RBPMS2: variants seen among roughly 807,000 people sequenced by gnomAD.
The protein encoded by RBPMS2 is RNA binding protein, mRNA processing factor 2.
RBPMS2 carries 14 observed loss-of-function variants against 25.7 expected under a neutral mutation model. The observed-to-expected ratio is 0.55, with a 90% CI of 0.36 to 0.85. The LOEUF is 0.85. Ranked by LOEUF, RBPMS2 falls within the 40% of genes least tolerant of loss-of-function variation. The pLI is 0.01. For synonymous variants in RBPMS2, 127 were observed against 115.6 expected (o/e 1.10, Z -0.63); for missense variants, 252 against 283.4 (o/e 0.89, Z 0.80).
chr15:64,765,683 C>A (rs2083839897), intron 1 of RBPMS2, among the ~76,000 whole-genome samples: 1 of 152,184 alleles, frequency 6.6e-6, no homozygotes, highest in African/African-American at 2.4e-5. Flanking sequence ...CGGTGGCTCA[C>A]ACCTGTAATC....
chr15:64,742,939 A>C (rs2083576742), intron 6 of RBPMS2, among the ~76,000 whole-genome samples: 1 of 152,228 alleles, frequency 6.6e-6, no homozygotes, highest in Admixed American at 6.5e-5. Flanking sequence ...TACACTGCAG[A>C]ATTCCAGCCA....
intron 1 of RBPMS2, among the ~76,000 whole-genome samples, chr15:64,769,579 G>T (rs1416759325): frequency 6.6e-6 from 1 of 151,726 alleles, no homozygotes; most frequent in Non-Finnish European, 1.5e-5. Flanking sequence ...AGAATGGCGT[G>T]AACCCAGGAG....
chr15:64,769,533 G>A (rs1046978381), intron 1 of RBPMS2, among the ~76,000 whole-genome samples: 14 of 150,692 alleles, frequency 9.3e-5, no homozygotes, highest in Admixed American at 5.3e-4. Flanking sequence ...AGCAGCGGGC[G>A]CCTGTAGTCC....
intron 1 of RBPMS2, chr15:64,762,613 A>T: frequency 2.1e-6 from 1 of 465,730 alleles, no homozygotes; most frequent in Admixed American, 2.4e-5. Context: ...CAAAAGACAA[A>T]GAACCTCAAA....
Position 64,751,550 on chromosome 15 carries a change from T to C in RBPMS2, c.165+11A>G, listed in dbSNP as rs1595787777. ...AGGCTCTACCCAGGGGGCGGCTGGG[T>C]CCTGACTCACCTTGAACGGCCGGAA... On this transcript the variant is annotated intron_variant, in intron 2 of 7. Coordinates refer to ENST00000300069, the MANE Select transcript of RBPMS2 (RefSeq NM_194272.3). 1 of 1,613,078 alleles carries C rather than the reference T, an allele frequency of 6.2e-7. No homozygotes were observed. The highest frequency in any genetic ancestry group is 2.2e-5 in the East Asian group (1 of 44,868).
At chr15:64,754,615 A>T (rs763194861) in intron 1 of RBPMS2, among the ~76,000 whole-genome samples, 3 of 151,804 alleles carry the variant, frequency 2.0e-5, no homozygotes, top group Non-Finnish European at 2.9e-5. Flanking sequence ...CCGTCTCAAA[A>T]AAAAAACCCA....
At chr15:64,741,864 T>C (rs1215649871) in intron 6 of RBPMS2, among the ~76,000 whole-genome samples, 1 of 151,970 alleles carries the variant, frequency 6.6e-6, no homozygotes, top group Non-Finnish European at 1.5e-5. Flanking sequence ...GGAGATAATG[T>C]CTCTATTAAA....
chr15:64,746,885 G>A (rs1167509738), intron 6 of RBPMS2, among the ~76,000 whole-genome samples: 1 of 152,214 alleles, frequency 6.6e-6, no homozygotes, highest in Non-Finnish European at 1.5e-5. Flanking sequence ...GCCCAGTGAG[G>A]TGGGAGCCTG....
At position 64,768,053 on chromosome 15, in the gene RBPMS2, G is replaced by A. The variant is rs117464725; in HGVS notation, c.87+7180C>T. ...CGTATGTGGAAAAGGAAGGGATAAC[G>A]AGACACAAAAGAATGTCCCCCAGAA... On this transcript the variant is annotated intron_variant, in intron 1 of 7. Transcript: ENST00000300069. Among the ~76,000 whole-genome samples the A allele has an allele frequency of 1.2e-4, 18 of 152,318 alleles. No individual in the cohort carries two copies. The East Asian group carries it at 3.3e-3, about 28-fold the overall frequency.
chr15:64,744,798 G>GTTTTTTTTTTTT (rs748967917), intron 6 of RBPMS2, among the ~76,000 whole-genome samples: 21 of 46,302 alleles, frequency 4.5e-4, no homozygotes, highest in Admixed American at 8.2e-4. Flanking sequence ...GGTTTGTTTT[G>GTTTTTTTTTTTT]TTTTTTTTTT....
intron 6 of RBPMS2, among the ~76,000 whole-genome samples, chr15:64,742,390 C>T (rs1055621091): frequency 6.6e-6 from 1 of 152,236 alleles, no homozygotes; most frequent in African/African-American, 2.4e-5. Context: ...CTGAGATCAT[C>T]CTCACCAGTG....
chr15:64,740,291 G>T lies in RBPMS2; in HGVS notation c.*717C>A, dbSNP rs897422717. On this transcript the variant is annotated 3_prime_UTR_variant, in exon 8 of 8. Transcript: ENST00000300069. ...TTCTCACGTTTTGGTTGGTTTCGAG[G>T]TTTGGAAAGAATGAGGAGCAGCGGC... 6.6e-6 allele frequency: 1 copy of T among 152,370 alleles called. No homozygotes were observed. The highest frequency in any genetic ancestry group is 1.5e-5 in the Non-Finnish European group (1 of 68,094). 9.4% of individuals were successfully genotyped at this position (152,370 alleles called of 1,614,324 possible).
intron 6 of RBPMS2, among the ~76,000 whole-genome samples, chr15:64,744,325 G>A (rs1365311817): frequency 1.3e-5 from 2 of 152,066 alleles, no homozygotes; most frequent in South Asian, 2.1e-4. Flanking sequence ...TTGGGAGGCC[G>A]AGGCGGACGG....
At chr15:64,751,884 A>T (rs2083685074) in intron 1 of RBPMS2, among the ~76,000 whole-genome samples, 1 of 151,872 alleles carries the variant, frequency 6.6e-6, no homozygotes, top group Non-Finnish European at 1.5e-5. Context: ...CTCTGCACAC[A>T]GACTGAGTCT....
At chr15:64,743,766 T>C (rs2083586786) in intron 6 of RBPMS2, among the ~76,000 whole-genome samples, 1 of 152,124 alleles carries the variant, frequency 6.6e-6, no homozygotes, top group South Asian at 2.1e-4. Flanking sequence ...ACTGACCAGT[T>C]GAGAAGATAC....
intron 1 of RBPMS2, among the ~76,000 whole-genome samples, chr15:64,756,059 T>C (rs1018026882): frequency 1.3e-5 from 2 of 152,104 alleles, no homozygotes; most frequent in African/African-American, 4.8e-5. Context: ...CAGAAAGCCC[T>C]AGAGACAGGA....
intron 6 of RBPMS2, among the ~76,000 whole-genome samples, chr15:64,743,019 G>A (rs2083577533): frequency 6.6e-6 from 1 of 152,216 alleles, no homozygotes; most frequent in Admixed American, 6.5e-5. Context: ...ACAAGAGAGG[G>A]ACACACGAGG....
At chr15:64,747,249 C>T (rs533771316) in intron 6 of RBPMS2, among the ~76,000 whole-genome samples, 20 of 152,252 alleles carry the variant, frequency 1.3e-4, no homozygotes, top group Non-Finnish European at 2.9e-4. Context: ...CTGAACTTTC[C>T]GCTTTGGAAC....
chr15:64,775,035 T>C (rs2083920039), intron 1 of RBPMS2, among the ~76,000 whole-genome samples, 198 bp downstream of exon 1: 1 of 150,574 alleles, frequency 6.6e-6, no homozygotes, highest in Non-Finnish European at 1.5e-5. Context: ...AGACAATGCC[T>C]GTCCGGCGGG....
Sources: gnomAD v4.1 joint callset for allele counts (sites outside exome capture counted in the v4.1 genomes callset) on GRCh38, gnomAD v4.1.1 for gene constraint, MANE v1.5 for transcripts, NCBI Gene and HGNC (gene_info 2026-07-23, HGNC 2026-07-21) for gene names.